DNAH11: variants seen among roughly 807,000 people sequenced by gnomAD.
DNAH11 encodes dynein axonemal heavy chain 11, also known as axonemal beta dynein heavy chain 11.
In DNAH11, 442 loss-of-function variants were observed where a neutral mutation model predicts 526.0. The ratio of observed to expected loss-of-function variants is 0.84; its 90% CI spans 0.78 to 0.91. The LOEUF (loss-of-function observed/expected upper bound fraction) is 0.91, where lower values mean the gene tolerates loss of function less well. Ranked by LOEUF, DNAH11 falls within the 40% of genes least tolerant of loss-of-function variation. DNAH11 has a pLI of 0.00. For missense variants in DNAH11, 6,989 were observed against 5,448.7 expected (o/e 1.28, Z -8.90); for synonymous variants, 2,461 against 1,935.9 (o/e 1.27, Z -7.12).
intron 54 of DNAH11, among the ~76,000 whole-genome samples, chr7:21,759,852 G>A (rs1786818682): frequency 6.6e-6 from 1 of 152,130 alleles, no homozygotes; most frequent in South Asian, 2.1e-4. Flanking sequence ...CTGCAAATGA[G>A]TCATAACACC....
At chr7:21,707,552 C>A in intron 39 of DNAH11, 147 bp from the exon 40 acceptor site, 2 of 952,124 alleles carry the variant, frequency 2.1e-6, no homozygotes, top group Non-Finnish European at 3.0e-6. Flanking sequence ...GGAATGCACA[C>A]ATGTGCATTT....
At chr7:21,643,104 C>A (rs964435185) in intron 28 of DNAH11, among the ~76,000 whole-genome samples, 4 of 152,198 alleles carry the variant, frequency 2.6e-5, no homozygotes, top group African/African-American at 9.7e-5. Flanking sequence ...TTGCAGGATT[C>A]ATTGACATGG....
rs191390285 is a variant in DNAH11 at position 21,755,796 on chromosome 7, C to G, written c.8940+5432C>G. 1.5e-4 allele frequency among the ~76,000 whole-genome samples: 23 copies of G among 152,144 alleles called. 1 individual carries two copies. The highest frequency in any genetic ancestry group is 2.6e-4 in the Non-Finnish European group (18 of 67,970). On this transcript the variant is annotated intron_variant, in intron 54 of 81. Coordinates refer to ENST00000409508, the MANE Select transcript of DNAH11 (RefSeq NM_001277115.2). Reference sequence around the variant, plus strand: ...CCATAGGAGGTAAAAATCAAATGATCAAGAATTTGGTGTATGGAATGAACT... The same window carrying G: ...CCATAGGAGGTAAAAATCAAATGATGAAGAATTTGGTGTATGGAATGAACT...
rs1227064699 is a variant in DNAH11 at position 21,543,253 on chromosome 7, C to A, written c.8C>A (p.Ala3Asp). The A allele has an allele frequency of 8.5e-6, 13 of 1,536,696 alleles. No individual in the cohort carries two copies. The highest frequency in any genetic ancestry group is 1.1e-5 in the Non-Finnish European group (12 of 1,140,940). The change falls in exon 1 of 82, where the codon GCC becomes GAC. Residue 3 changes from alanine (A) to aspartate (D), a missense_variant. By Grantham distance (126) the Ala-to-Asp change is moderately radical (BLOSUM62 -2). Transcript: ENST00000409508. MAAQVAAREARDF... is the reference protein window; with the variant it reads MADQVAAREARDF... ...CCCTCGGACGGTTGCCCAATGGCAG[C>A]CCAGGTGGCAGCCCGGGAGGCGCGA...
In DNAH11 at chr7:21,818,454, C is replaced by T. The variant is rs1789911745; in HGVS notation, c.10691+115C>T. On this transcript the variant is annotated intron_variant, in intron 65 of 81. Coordinates refer to ENST00000409508, the MANE Select transcript of DNAH11 (RefSeq NM_001277115.2). ...AAATCTTAGTGATATTTCTGAGTTTCCATTTCATGCACCTACACTCCAAGA... is the reference window on the plus strand; with the variant it reads ...AAATCTTAGTGATATTTCTGAGTTTTCATTTCATGCACCTACACTCCAAGA... 23 of 1,157,954 alleles carry T rather than the reference C, an allele frequency of 2.0e-5. No individual in the cohort carries two copies. In the South Asian group the frequency reaches 2.9e-4, roughly 15 times the overall value. The allele number at this position is 1,157,954 out of a possible 1,614,324, so 71.7% of individuals were successfully genotyped here.
chr7:21,807,091 C>T (rs896418499), intron 62 of DNAH11, among the ~76,000 whole-genome samples: 2 of 152,156 alleles, frequency 1.3e-5, no homozygotes, highest in African/African-American at 4.8e-5. Flanking sequence ...TTTGTCATTT[C>T]CCTTTGTCTG....
At chr7:21,665,528 A>G (rs914271209) in intron 30 of DNAH11, among the ~76,000 whole-genome samples, 1 of 152,116 alleles carries the variant, frequency 6.6e-6, no homozygotes, top group Non-Finnish European at 1.5e-5. Flanking sequence ...CCTGTCAACA[A>G]CATTGGGCTG....
intron 74 of DNAH11, among the ~76,000 whole-genome samples, chr7:21,879,815 C>T (rs117011177): frequency 0.026 from 4,011 of 152,072 alleles, 263 homozygotes; most frequent in Admixed American, 0.14. Context: ...CTGGGCCCCG[C>T]GGCTCGTGCC....
In DNAH11 at chr7:21,570,144, G is replaced by T; in HGVS notation, c.1270G>T (p.Val424Phe). Residue 424 changes from valine to phenylalanine, a missense_variant, in exon 7 of 82, where the codon GTT becomes TTT. By Grantham distance (50) the Val-to-Phe change is conservative. Transcript: ENST00000409508. The part of the protein sequence containing the change: ...EESLEKVQVA[V>F]NILKTFKNSF... ...GTCACTGGAAAAGGTGCAGGTGGCT[G>T]TTAACATCTTAAAGACTTTCAAAAA... 6.2e-7 allele frequency: 1 copy of T among 1,613,384 alleles called. No homozygotes were observed. Among genetic ancestry groups the T allele is most frequent in the South Asian group, 1.1e-5 (1 of 91,046 alleles).
rs181800903 is a variant in DNAH11, at chr7:21,811,413, G to A, written c.10332+3364G>A. Among the ~76,000 whole-genome samples the A allele has an allele frequency of 1.0e-3, 157 of 151,218 alleles. 3 individuals carry two copies. The East Asian group carries it at 0.028, about 27-fold the overall frequency. ...GGAAGTTGCAGTGAGCCGAGATCGC[G>A]CCACTGTACTCCAGCCTGGGTGACA... On this transcript the variant is annotated intron_variant, in intron 63 of 81. Coordinates refer to ENST00000409508, the MANE Select transcript of DNAH11 (RefSeq NM_001277115.2).
chr7:21,552,103 CT>C (rs1293941843), intron 2 of DNAH11, among the ~76,000 whole-genome samples: 1 of 152,126 alleles, frequency 6.6e-6, no homozygotes, highest in East Asian at 1.9e-4. Context: ...CAGGTTCCCT[CT>C]TCCCTCCCCA....
intron 45 of DNAH11, 55 bp from the exon 46 acceptor site, chr7:21,735,585 C>G: frequency 1.3e-6 from 2 of 1,500,542 alleles, no homozygotes; most frequent in Non-Finnish European, 1.8e-6. Flanking sequence ...GCCTCTCTCT[C>G]GCACGCACTC....
chr7:21,716,201 T>G lies in DNAH11; in HGVS notation c.6984-1574T>G, dbSNP rs545993847. The stretch of plus-strand genomic sequence containing the variant: ...AAAGTGGGGTGTGGGTTTTGTTATA[T>G]CCACCAGAATCCAGGATGCCAACTC... On this transcript the variant is annotated intron_variant, in intron 42 of 81. Coordinates refer to ENST00000409508, the MANE Select transcript of DNAH11 (RefSeq NM_001277115.2). Among the ~76,000 whole-genome samples the G allele has an allele frequency of 5.3e-5, 8 of 152,174 alleles. No homozygotes were observed. The East Asian group carries it at 1.6e-3, about 30-fold the overall frequency.
intron 28 of DNAH11, among the ~76,000 whole-genome samples, chr7:21,648,296 C>G (rs1405258954): frequency 2.2e-4 from 33 of 152,200 alleles, no homozygotes; most frequent in Admixed American, 2.1e-3. Context: ...CTTCCTGTAT[C>G]CATGCCCTTT....
chr7:21,584,313 C>T (rs984638639), intron 9 of DNAH11, among the ~76,000 whole-genome samples: 56 of 152,062 alleles, frequency 3.7e-4, no homozygotes, highest in African/African-American at 1.2e-3. Context: ...ACATTCTCAG[C>T]AAACTAACAC....
intron 49 of DNAH11, 43 bp downstream of exon 49, chr7:21,742,209 A>G: frequency 6.3e-7 from 1 of 1,598,926 alleles, no homozygotes; most frequent in South Asian, 1.1e-5. Context: ...GTAGAGAAAT[A>G]ATGATAATAC....
chr7:21,595,171 A>G (rs1384479281), intron 14 of DNAH11, among the ~76,000 whole-genome samples: 3 of 152,200 alleles, frequency 2.0e-5, no homozygotes, highest in Non-Finnish European at 4.4e-5. Context: ...CCCCTCTTCT[A>G]GGTTGCAGAC....
At chr7:21,562,210 A>T (rs1352173272) in intron 5 of DNAH11, among the ~76,000 whole-genome samples, 2 of 152,156 alleles carry the variant, frequency 1.3e-5, no homozygotes, top group East Asian at 3.9e-4. Flanking sequence ...TGGGTTAGAT[A>T]ATTTTTTTGT....
intron 54 of DNAH11, among the ~76,000 whole-genome samples, chr7:21,762,796 A>G (rs1554278327): frequency 6.6e-6 from 1 of 152,206 alleles, no homozygotes; most frequent in Non-Finnish European, 1.5e-5. Flanking sequence ...AAATCTTCAG[A>G]AGATTCATCT....
Sources: allele counts gnomAD v4.1 joint callset (sites outside exome capture counted in the v4.1 genomes callset), GRCh38; gene constraint gnomAD v4.1.1; transcripts MANE v1.5; gene names NCBI Gene and HGNC (gene_info 2026-07-23, HGNC 2026-07-21).